CSMD1: variants seen among roughly 807,000 people sequenced by gnomAD.
CSMD1 encodes CUB and Sushi multiple domains 1, also known as CUB and sushi domain-containing protein 1.
CSMD1 carries 213 observed loss-of-function variants against 417.5 expected under a neutral mutation model. That is an observed-to-expected ratio of 0.51 (90% CI 0.46 to 0.57). The LOEUF (loss-of-function observed/expected upper bound fraction) is 0.57. Ranked by LOEUF, CSMD1 falls within the 20% of genes least tolerant of loss-of-function variation. The pLI is 0.00. For synonymous variants in CSMD1, 2,862 were observed against 1,736.8 expected (o/e 1.65, Z -16.11); for missense variants, 6,923 against 4,529.7 (o/e 1.53, Z -15.17).
chr8:4,975,813 T>G (rs1302523496), intron 1 of CSMD1, among the ~76,000 whole-genome samples: 1 of 149,102 alleles, frequency 6.7e-6, no homozygotes, highest in Non-Finnish European at 1.5e-5. Flanking sequence ...GTATGCATTT[T>G]TTTTGCAATA....
intron 7 of CSMD1, among the ~76,000 whole-genome samples, chr8:3,702,656 C>A (rs932426431): frequency 6.6e-6 from 1 of 152,154 alleles, no homozygotes; most frequent in Non-Finnish European, 1.5e-5. Context: ...CATGGTGAAA[C>A]CCCATATCTA....
intron 11 of CSMD1, among the ~76,000 whole-genome samples, chr8:3,478,466 A>G (rs889559237): frequency 6.6e-6 from 1 of 152,190 alleles, no homozygotes; most frequent in Non-Finnish European, 1.5e-5. Context: ...CACAAATATC[A>G]GGCCTGATAA....
chr8:3,706,062 G>A (rs772568627), intron 7 of CSMD1, among the ~76,000 whole-genome samples: 1 of 152,226 alleles, frequency 6.6e-6, no homozygotes, highest in Non-Finnish European at 1.5e-5. Context: ...CCTAAGGCAC[G>A]CATGACGCGC....
chr8:3,100,304 T>C (rs1815639116), intron 46 of CSMD1, among the ~76,000 whole-genome samples: 1 of 152,182 alleles, frequency 6.6e-6, no homozygotes, highest in Non-Finnish European at 1.5e-5. Flanking sequence ...TCCTTCCACC[T>C]CAACCTCCAC....
At chr8:4,302,475 C>G (rs1394984732) in intron 3 of CSMD1, among the ~76,000 whole-genome samples, 4 of 152,012 alleles carry the variant, frequency 2.6e-5, no homozygotes, top group South Asian at 4.1e-4. Context: ...AAACAGCAGT[C>G]TGTGAAAATG....
intron 49 of CSMD1, among the ~76,000 whole-genome samples, chr8:3,083,270 T>C (rs920451754): frequency 6.6e-6 from 1 of 151,978 alleles, no homozygotes; most frequent in African/African-American, 2.4e-5. Flanking sequence ...CTAAGTGTCA[T>C]ATATCTCTGC....
chr8:4,084,620 G>C (rs1800322482), intron 3 of CSMD1, among the ~76,000 whole-genome samples: 2 of 152,098 alleles, frequency 1.3e-5, no homozygotes, highest in Non-Finnish European at 2.9e-5. Flanking sequence ...GAGCCTTCCA[G>C]AGTTTGCCAA....
At chr8:3,561,913 G>A (rs551230805) in intron 10 of CSMD1, among the ~76,000 whole-genome samples, 42 of 152,328 alleles carry the variant, frequency 2.8e-4, no homozygotes, top group Middle Eastern at 3.4e-3. Flanking sequence ...AGAGGCTTCT[G>A]CATAAGCGAG....
At chr8:4,414,511 G>A (rs1420017938) in intron 3 of CSMD1, among the ~76,000 whole-genome samples, 1 of 152,152 alleles carries the variant, frequency 6.6e-6, no homozygotes, top group South Asian at 2.1e-4. Context: ...ATTTTTAAGA[G>A]GATCTGCTTA....
chr8:4,970,058 A>G (rs1359633959), intron 1 of CSMD1, among the ~76,000 whole-genome samples: 1 of 152,186 alleles, frequency 6.6e-6, no homozygotes, highest in East Asian at 1.9e-4. Flanking sequence ...ATAATAGCAC[A>G]CAGAAATGAC....
chr8:4,163,464 G>A (rs1303978720), intron 3 of CSMD1, among the ~76,000 whole-genome samples: 1 of 152,138 alleles, frequency 6.6e-6, no homozygotes. Flanking sequence ...TTTAATGTGT[G>A]AGTTACTTTT....
intron 57 of CSMD1, among the ~76,000 whole-genome samples, chr8:2,967,574 A>T (rs1804079184): frequency 6.6e-6 from 1 of 152,076 alleles, no homozygotes; most frequent in South Asian, 2.1e-4. Flanking sequence ...TACCAGAAAG[A>T]TTGCTACATT....
chr8:4,875,552 C>G (rs1448211661), intron 1 of CSMD1, among the ~76,000 whole-genome samples: 2 of 152,010 alleles, frequency 1.3e-5, no homozygotes, highest in Non-Finnish European at 2.9e-5. Flanking sequence ...CCAACTCAAG[C>G]AGAAGCATAG....
At chr8:4,319,564 T>G (rs1221792905) in intron 3 of CSMD1, among the ~76,000 whole-genome samples, 1 of 152,050 alleles carries the variant, frequency 6.6e-6, no homozygotes, top group Non-Finnish European at 1.5e-5. Flanking sequence ...AAACATTAAT[T>G]GTTGGCTGTT....
intron 1 of CSMD1, among the ~76,000 whole-genome samples, chr8:4,877,290 A>G (rs977529082): frequency 3.3e-5 from 5 of 152,122 alleles, no homozygotes; most frequent in Non-Finnish European, 7.4e-5. Flanking sequence ...CTATTACAGG[A>G]AATATAAGAT....
intron 7 of CSMD1, among the ~76,000 whole-genome samples, chr8:3,633,125 CT>C (rs1489613084): frequency 6.6e-6 from 1 of 152,178 alleles, no homozygotes; most frequent in Non-Finnish European, 1.5e-5. Flanking sequence ...ATTTCTCTAA[CT>C]TTATGTTACC....
chr8:4,018,587 G>T (rs551311702), intron 4 of CSMD1, among the ~76,000 whole-genome samples: 1 of 152,186 alleles, frequency 6.6e-6, no homozygotes, highest in Non-Finnish European at 1.5e-5. Flanking sequence ...CAGGCAACCA[G>T]CACCCCCTGC....
At chr8:3,220,568 C>G (rs1292631854) in intron 28 of CSMD1, among the ~76,000 whole-genome samples, 3 of 152,214 alleles carry the variant, frequency 2.0e-5, no homozygotes, top group African/African-American at 4.8e-5. Flanking sequence ...CACAGTGGCT[C>G]TAGCCTGTAA....
chr8:4,564,068 G>C (rs527287678), intron 2 of CSMD1, among the ~76,000 whole-genome samples: 1 of 152,268 alleles, frequency 6.6e-6, no homozygotes, highest in South Asian at 2.1e-4. Context: ...CATATCTTAA[G>C]TATGTCATAA....
Sources: gnomAD v4.1 joint callset for allele counts (sites outside exome capture counted in the v4.1 genomes callset) on GRCh38, gnomAD v4.1.1 for gene constraint, MANE v1.5 for transcripts, NCBI Gene and HGNC (gene_info 2026-07-23, HGNC 2026-07-21) for gene names.